LRRTM4: variants seen among roughly 807,000 people sequenced by gnomAD.
LRRTM4 encodes leucine-rich repeat transmembrane neuronal protein 4.
LRRTM4 carries 25 observed loss-of-function variants against 47.6 expected under a neutral mutation model. The ratio of observed to expected loss-of-function variants is 0.53; its 90% CI spans 0.38 to 0.73. LRRTM4 has a LOEUF of 0.73. Among genes scored for constraint, LRRTM4 ranks in the 30% least tolerant of loss-of-function variants. The pLI is 0.00. For missense variants in LRRTM4, 638 were observed against 713.4 expected (o/e 0.89, Z 1.20); for synonymous variants, 311 against 269.5 (o/e 1.15, Z -1.51).
chr2:77,093,139 C>G (rs915720456), intron 3 of LRRTM4, among the ~76,000 whole-genome samples: 1 of 147,906 alleles, frequency 6.8e-6, no homozygotes, highest in South Asian at 2.1e-4. Context: ...TCCTATTCAC[C>G]GTTCTCAACT....
In LRRTM4 at chr2:76,812,673, C is replaced by CTTTCTTTCTTTCTTTT. The variant is rs1553413488; in HGVS notation, c.1552-63758_1552-63757insAAAAGAAAGAAAGAAA. Among the ~76,000 whole-genome samples the CTTTCTTTCTTTCTTTT allele has an allele frequency of 2.0e-5, 3 of 147,934 alleles. No homozygotes were observed. In the East Asian group the frequency reaches 6.1e-4, roughly 30 times the overall value. ...TATGAAGGAGACTGTTACAAATAAGCTCTTTCTTTCTTTCTTTCTTTCTTT... is the reference window on the plus strand; with the variant it reads ...TATGAAGGAGACTGTTACAAATAAGCTTTCTTTCTTTCTTTTTCTTTCTTTCTTTCTTTCTTTCTTT... On this transcript the variant is annotated intron_variant, in intron 3 of 3. Transcript: ENST00000409884.
intron 3 of LRRTM4, among the ~76,000 whole-genome samples, chr2:76,899,281 T>C (rs1177678189): frequency 2.0e-5 from 3 of 149,288 alleles, no homozygotes; most frequent in Admixed American, 6.8e-5. Context: ...GAAACTTAAA[T>C]TCTATTGGAG....
chr2:77,400,786 TG>T (rs2103835592), intron 3 of LRRTM4, among the ~76,000 whole-genome samples: 1 of 151,944 alleles, frequency 6.6e-6, no homozygotes, highest in Non-Finnish European at 1.5e-5. Flanking sequence ...ATCCTGCCTC[TG>T]GGACTTTTTA....
chr2:77,357,964 T>C lies in LRRTM4; in HGVS notation c.1551+160354A>G, dbSNP rs116053955. 5.9e-3 allele frequency among the ~76,000 whole-genome samples: 895 copies of C among 152,262 alleles called. 11 individuals carry two copies. The highest frequency in any genetic ancestry group is 0.02 in the African/African-American group (850 of 41,544). The stretch of plus-strand genomic sequence containing the variant: ...CATGAATAATGTGTTTAAATATATA[T>C]ACTTTGGACAAAATTAGAATATAAA... On this transcript the variant is annotated intron_variant, in intron 3 of 3. Coordinates refer to ENST00000409884, the MANE Select transcript of LRRTM4 (RefSeq NM_001134745.3).
chr2:77,040,258 T>C lies in LRRTM4; in HGVS notation c.1552-291342A>G, dbSNP rs191453142. Among the ~76,000 whole-genome samples, 346 of 151,202 alleles carry C rather than the reference T, an allele frequency of 2.3e-3. 6 individuals are homozygous for C. The highest frequency in any genetic ancestry group is 7.2e-3 in the African/African-American group (297 of 41,416). ...TTGAACCTCCTTATGTTCTACAACA[T>C]ATATATATATAAAATCATGATGTAT... On this transcript the variant is annotated intron_variant, in intron 3 of 3. Transcript: ENST00000409884.
intron 3 of LRRTM4, among the ~76,000 whole-genome samples, chr2:77,264,334 G>C (rs1219818572): frequency 6.6e-6 from 1 of 152,098 alleles, no homozygotes; most frequent in Non-Finnish European, 1.5e-5. Context: ...GACAGAGAGA[G>C]AGAGAGAAAG....
At chr2:77,119,898 G>A (rs756055774) in intron 3 of LRRTM4, among the ~76,000 whole-genome samples, 5 of 151,756 alleles carry the variant, frequency 3.3e-5, no homozygotes, top group Non-Finnish European at 1.5e-5. Flanking sequence ...TATTGTATCT[G>A]AAGAGTGTAT....
chr2:76,801,565 G>C (rs181015289), intron 3 of LRRTM4, among the ~76,000 whole-genome samples: 2 of 152,116 alleles, frequency 1.3e-5, no homozygotes, highest in African/African-American at 4.8e-5. Flanking sequence ...CCTAATGCTA[G>C]ATGATGAGTT....
chr2:77,130,842 T>TTC (rs1671778882), intron 3 of LRRTM4, among the ~76,000 whole-genome samples: 1 of 108,892 alleles, frequency 9.2e-6, no homozygotes, highest in Non-Finnish European at 1.8e-5. Flanking sequence ...TTTTTTTTTT[T>TTC]TTTTTTTTTT....
chr2:76,783,378 G>A (rs1254109957), intron 3 of LRRTM4, among the ~76,000 whole-genome samples: 1 of 151,960 alleles, frequency 6.6e-6, no homozygotes, highest in African/African-American at 2.4e-5. Flanking sequence ...TTTTTTTAAT[G>A]GTAAAATATA....
intron 3 of LRRTM4, among the ~76,000 whole-genome samples, chr2:76,934,732 A>T (rs1411830089): frequency 6.6e-6 from 1 of 152,220 alleles, no homozygotes; most frequent in African/African-American, 2.4e-5. Flanking sequence ...ATTGGAAAAC[A>T]TAGATGACAA....
chr2:76,915,137 G>A (rs1479494474), intron 3 of LRRTM4, among the ~76,000 whole-genome samples: 1 of 152,170 alleles, frequency 6.6e-6, no homozygotes, highest in African/African-American at 2.4e-5. Flanking sequence ...GAAAATATTT[G>A]CTTTGGGAAT....
chr2:76,997,677 C>T (rs987559701), intron 3 of LRRTM4, among the ~76,000 whole-genome samples: 1 of 152,192 alleles, frequency 6.6e-6, no homozygotes, highest in Non-Finnish European at 1.5e-5. Context: ...ATTGAACTAA[C>T]ATTCTATGGC....
chr2:77,001,419 A>C (rs1185824252), intron 3 of LRRTM4, among the ~76,000 whole-genome samples: 1 of 152,158 alleles, frequency 6.6e-6, no homozygotes, highest in African/African-American at 2.4e-5. Flanking sequence ...TCAACAAGCC[A>C]ACCATATCAG....
intron 3 of LRRTM4, among the ~76,000 whole-genome samples, chr2:77,320,687 T>A (rs1677762061): frequency 1.3e-5 from 2 of 152,056 alleles, no homozygotes; most frequent in South Asian, 2.1e-4. Context: ...AGATCAGAAA[T>A]CTTATATTCA....
intron 3 of LRRTM4, among the ~76,000 whole-genome samples, chr2:76,976,036 T>C (rs1051049365): frequency 1.3e-5 from 2 of 151,798 alleles, no homozygotes; most frequent in Non-Finnish European, 2.9e-5. Context: ...TCTATTGAAT[T>C]ATAACTTTCC....
chr2:76,840,772 A>T (rs575182818), intron 3 of LRRTM4, among the ~76,000 whole-genome samples: 10 of 152,116 alleles, frequency 6.6e-5, no homozygotes, highest in Admixed American at 1.3e-4. Flanking sequence ...TTTACAGGAA[A>T]CAACAGGTGC....
chr2:76,935,252 T>C (rs1674904810), intron 3 of LRRTM4, among the ~76,000 whole-genome samples: 1 of 152,206 alleles, frequency 6.6e-6, no homozygotes, highest in Admixed American at 6.5e-5. Flanking sequence ...TTTGCTACTC[T>C]AGCCTCGTAG....
At chr2:77,061,752 G>C (rs1035460653) in intron 3 of LRRTM4, among the ~76,000 whole-genome samples, 2 of 152,062 alleles carry the variant, frequency 1.3e-5, no homozygotes, top group Non-Finnish European at 2.9e-5. Context: ...TAAATTCTAT[G>C]AAACTATGAT....
Sources: gnomAD v4.1 joint callset for allele counts (sites outside exome capture counted in the v4.1 genomes callset) on GRCh38, gnomAD v4.1.1 for gene constraint, MANE v1.5 for transcripts, NCBI Gene and HGNC (gene_info 2026-07-23, HGNC 2026-07-21) for gene names.